BNC2: variants seen among roughly 807,000 people sequenced by gnomAD.
BNC2 encodes basonuclin zinc finger protein 2.
A neutral mutation model predicts 76.3 loss-of-function variants in BNC2; 20 were observed. That is an observed-to-expected ratio of 0.26 (90% CI 0.18 to 0.38). The LOEUF (loss-of-function observed/expected upper bound fraction) is 0.38. Among genes scored for constraint, BNC2 ranks in the 10% least tolerant of loss-of-function variants. The probability of loss-of-function intolerance (pLI) is 1.00; values close to 1 mark genes in which losing one functional copy is unlikely to be tolerated. For synonymous variants in BNC2, 582 were observed against 514.8 expected, an observed-to-expected ratio of 1.13 and a Z score of -1.77; for missense variants, 1,382 against 1,399.8, an observed-to-expected ratio of 0.99 and a Z score of 0.20.
chr9:16,785,558 CTTTTT>C (rs34271496), intron 1 of BNC2, among the ~76,000 whole-genome samples: 2 of 122,558 alleles, frequency 1.6e-5, no homozygotes, highest in Admixed American at 8.2e-5. Flanking sequence ...CTACACCCGG[CTTTTT>C]TTTTTTTTTT....
intron 4 of BNC2, among the ~76,000 whole-genome samples, chr9:16,575,088 C>T (rs1819444074): frequency 6.6e-6 from 1 of 152,178 alleles, no homozygotes; most frequent in Non-Finnish European, 1.5e-5. Context: ...CTCATTTAAT[C>T]TTAGAAGAAC....
intron 1 of BNC2, among the ~76,000 whole-genome samples, chr9:16,749,041 G>A (rs558391169): frequency 7.8e-6 from 1 of 128,864 alleles, no homozygotes; most frequent in South Asian, 2.6e-4. Context: ...AATATATGGG[G>A]GAATGACTAT....
chr9:16,751,904 CTG>C (rs1563927136), intron 1 of BNC2, among the ~76,000 whole-genome samples: 41 of 151,780 alleles, frequency 2.7e-4, no homozygotes, highest in African/African-American at 8.7e-4. Context: ...TGGCGGGCGC[CTG>C]TAATCTCAGC....
intron 1 of BNC2, among the ~76,000 whole-genome samples, chr9:16,752,075 A>G (rs1254923347): frequency 6.6e-6 from 1 of 152,184 alleles, no homozygotes; most frequent in Non-Finnish European, 1.5e-5. Context: ...TTTTTTATGT[A>G]CGGTAACTTG....
intron 5 of BNC2, among the ~76,000 whole-genome samples, chr9:16,455,563 G>A (rs1315736593): frequency 6.6e-6 from 1 of 152,204 alleles, no homozygotes; most frequent in Non-Finnish European, 1.5e-5. Flanking sequence ...GGCCAAGGCA[G>A]GTGGATCACC....
At chr9:16,459,606 G>C (rs571003020) in intron 5 of BNC2, among the ~76,000 whole-genome samples, 3 of 152,088 alleles carry the variant, frequency 2.0e-5, no homozygotes, top group Admixed American at 6.5e-5. Flanking sequence ...TGGGGACTCA[G>C]GACTTGGGCC....
chr9:16,767,472 A>AT (rs1199952852), intron 1 of BNC2, among the ~76,000 whole-genome samples: 9 of 151,962 alleles, frequency 5.9e-5, no homozygotes, highest in Non-Finnish European at 1.0e-4. Flanking sequence ...GCCAGGGAGG[A>AT]TTTTTTTTGT....
intron 5 of BNC2, among the ~76,000 whole-genome samples, chr9:16,500,230 A>G (rs1046721264): frequency 2.0e-5 from 3 of 151,536 alleles, no homozygotes; most frequent in African/African-American, 7.3e-5. Flanking sequence ...ACCAAACTCA[A>G]CTCAAGTCTG....
intron 1 of BNC2, among the ~76,000 whole-genome samples, chr9:16,760,704 C>G (rs1825528022): frequency 6.6e-6 from 1 of 152,064 alleles, no homozygotes; most frequent in Non-Finnish European, 1.5e-5. Flanking sequence ...TCATCATAGT[C>G]CAATGAGTCA....
At chr9:16,594,844 C>T (rs1435298107) in intron 3 of BNC2, among the ~76,000 whole-genome samples, 1 of 152,022 alleles carries the variant, frequency 6.6e-6, no homozygotes, top group Non-Finnish European at 1.5e-5. Flanking sequence ...GCCTGATAAT[C>T]CCCCTTGTTC....
intron 5 of BNC2, among the ~76,000 whole-genome samples, chr9:16,536,595 G>T (rs1818137349): frequency 6.6e-6 from 1 of 151,836 alleles, no homozygotes; most frequent in Non-Finnish European, 1.5e-5. Flanking sequence ...CTTCAGTCTT[G>T]TATTTAAGCC....
chr9:16,849,783 A>C (rs772530827), intron 1 of BNC2, among the ~76,000 whole-genome samples: 21 of 152,170 alleles, frequency 1.4e-4, no homozygotes, highest in Non-Finnish European at 3.1e-4. Flanking sequence ...AGTCAACATA[A>C]AAAAACTGAT....
chr9:16,782,454 A>G (rs1268627596), intron 1 of BNC2, among the ~76,000 whole-genome samples: 1 of 152,104 alleles, frequency 6.6e-6, no homozygotes, highest in Non-Finnish European at 1.5e-5. Flanking sequence ...TGAGAGTTCT[A>G]GTTATTTGAG....
chr9:16,461,137 ATTCT>A (rs1482648325), intron 5 of BNC2, among the ~76,000 whole-genome samples: 1 of 152,192 alleles, frequency 6.6e-6, no homozygotes, highest in Non-Finnish European at 1.5e-5. Flanking sequence ...CAGGGATAAG[ATTCT>A]TTATCATAAA....
At chr9:16,509,975 G>A (rs1822715212) in intron 5 of BNC2, among the ~76,000 whole-genome samples, 2 of 152,148 alleles carry the variant, frequency 1.3e-5, no homozygotes, top group African/African-American at 4.8e-5. Flanking sequence ...GCTGTTTCCA[G>A]GTCTTACACT....
intron 1 of BNC2, among the ~76,000 whole-genome samples, chr9:16,741,978 AAGAC>A (rs1457825849): frequency 2.6e-5 from 4 of 151,426 alleles, no homozygotes; most frequent in Non-Finnish European, 5.9e-5. Context: ...AAAAAAAAAA[AAGAC>A]AACAACACGT....
At chr9:16,778,376 G>A (rs1320513618) in intron 1 of BNC2, among the ~76,000 whole-genome samples, 1 of 151,984 alleles carries the variant, frequency 6.6e-6, no homozygotes, top group East Asian at 1.9e-4. Flanking sequence ...CTGAAACAAA[G>A]ACACAAACTT....
At chr9:16,827,233 C>A (rs915691045) in intron 1 of BNC2, among the ~76,000 whole-genome samples, 4 of 152,174 alleles carry the variant, frequency 2.6e-5, no homozygotes, top group Admixed American at 2.0e-4. Flanking sequence ...TGAAGCCCTA[C>A]AAGGCACCAC....
intron 5 of BNC2, among the ~76,000 whole-genome samples, chr9:16,525,416 A>G (rs776926141): frequency 1.3e-5 from 2 of 152,244 alleles, no homozygotes; most frequent in Non-Finnish European, 2.9e-5. Flanking sequence ...ACGGATTTAC[A>G]ACGCAATAGA....
Sources: gnomAD v4.1 joint callset for allele counts (sites outside exome capture counted in the v4.1 genomes callset) on GRCh38, gnomAD v4.1.1 for gene constraint, MANE v1.5 for transcripts, NCBI Gene and HGNC (gene_info 2026-07-23, HGNC 2026-07-21) for gene names.